The following HYKK variants were observed in gnomAD, a reference collection of about 807,000 sequenced individuals.
The protein encoded by HYKK is hydroxylysine kinase.
In HYKK, 19 loss-of-function variants were observed where a neutral mutation model predicts 29.7. That is an observed-to-expected ratio of 0.64 (90% CI 0.45 to 0.94). The LOEUF is 0.94. Among genes scored for constraint, HYKK ranks in the 40% least tolerant of loss-of-function variants. The pLI, the probability that HYKK is intolerant of heterozygous loss-of-function variation, is 0.00. For synonymous variants in HYKK, 152 were observed against 158.1 expected (o/e 0.96, Z 0.29); for missense variants, 390 against 443.4 (o/e 0.88, Z 1.08).
intron 4 of HYKK, among the ~76,000 whole-genome samples, chr15:78,531,061 C>T (rs990242445): frequency 6.6e-6 from 1 of 152,000 alleles, no homozygotes; most frequent in African/African-American, 2.4e-5. Context: ...TGGAGTTTTG[C>T]CATGTTGGTC....
chr15:78,536,386 C>T lies in HYKK; in HGVS notation c.*2716C>T, dbSNP rs1339081705. The T allele has an allele frequency of 1.3e-5, 2 of 151,972 alleles. No homozygotes were observed. Among genetic ancestry groups the T allele is most frequent in the African/African-American group, 4.8e-5 (2 of 41,348 alleles). 9.4% of individuals were successfully genotyped at this position (151,972 alleles called of 1,614,324 possible). On this transcript the variant is annotated 3_prime_UTR_variant, in exon 5 of 5. Coordinates refer to ENST00000388988, the MANE Select transcript of HYKK (RefSeq NM_001013619.4). Reference sequence around the variant, plus strand: ...ACAAATGAGATCATTCACATGAAAGCACTTATGTTTCTGAAATTTAAGGGA... The same window carrying T: ...ACAAATGAGATCATTCACATGAAAGTACTTATGTTTCTGAAATTTAAGGGA...
intron 1 of HYKK, among the ~76,000 whole-genome samples, chr15:78,512,400 C>CTTTTTTTTTTTTTTTTTTTTTTTT (rs902963099): frequency 7.2e-5 from 9 of 125,670 alleles, no homozygotes; most frequent in African/African-American, 8.9e-5. Flanking sequence ...TTTTCTTTTT[C>CTTTTTTTTTTTTTTTTTTTTTTTT]TTTTTTTTTT....
At chr15:78,511,387 A>T (rs1217636033) in intron 1 of HYKK, among the ~76,000 whole-genome samples, 1 of 152,118 alleles carries the variant, frequency 6.6e-6, no homozygotes, top group Non-Finnish European at 1.5e-5. Flanking sequence ...ACCAAGAGAA[A>T]GAAAACAGTC....
chr15:78,513,188 G>A lies in HYKK; in HGVS notation c.100G>A (p.Val34Ile). 6.2e-7 allele frequency: 1 copy of A among 1,614,172 alleles called. No homozygotes were observed. The highest frequency in any genetic ancestry group is 8.5e-7 in the Non-Finnish European group (1 of 1,180,018). The change falls in exon 2 of 5, where the codon GTT becomes ATT. Residue 34 changes from valine to isoleucine, a missense_variant. Physicochemically the swap from Val to Ile is conservative, Grantham distance 29. Transcript: ENST00000388988. The part of the protein sequence containing the change: ...ALVESVFGLK[V>I]SKVRPLPSYD... ...AGTGGAGTCAGTGTTTGGGTTGAAA[G>A]TTTCCAAGGTCCGGCCACTTCCTAG...
intron 3 of HYKK, among the ~76,000 whole-genome samples, chr15:78,516,621 A>C (rs1324042243): frequency 2.0e-5 from 3 of 152,004 alleles, no homozygotes; most frequent in Non-Finnish European, 4.4e-5. Context: ...AAGTGCTGGG[A>C]TGACAGGCAT....
intron 2 of HYKK, 39 bp from the exon 3 acceptor site, chr15:78,514,929 A>ATAT: frequency 1.5e-6 from 1 of 683,632 alleles, no homozygotes; most frequent in Non-Finnish European, 2.0e-6. Context: ...TATATATATA[A>ATAT]ATAATTTAGT....
rs2052360804 is a variant in HYKK, at chr15:78,536,185, T to G, written c.*2515T>G. 1 of 152,110 alleles carries G rather than the reference T, an allele frequency of 6.6e-6. No individual in the cohort carries two copies. The highest frequency in any genetic ancestry group is 2.4e-5 in the African/African-American group (1 of 41,382). The allele number at this position is 152,110 out of a possible 1,614,324, so 9.4% of individuals were successfully genotyped here. The stretch of plus-strand genomic sequence containing the variant: ...TAGCAGCTGAAAAAGTAAAAATAAT[T>G]TCCTCAAAGACAGCCAGGGCTTAAA... On this transcript the variant is annotated 3_prime_UTR_variant, in exon 5 of 5. Transcript: ENST00000388988.
At chr15:78,523,952 C>A (rs1374122854) in intron 3 of HYKK, among the ~76,000 whole-genome samples, 1 of 152,242 alleles carries the variant, frequency 6.6e-6, no homozygotes, top group East Asian at 1.9e-4. Context: ...AGGTTCAGCC[C>A]CTGTGGCTGC....
chr15:78,527,720 T>G, intron 4 of HYKK, 157 bp downstream of exon 4: 1 of 1,393,306 alleles, frequency 7.2e-7, no homozygotes, highest in Non-Finnish European at 9.3e-7. Flanking sequence ...TTTACTTTCC[T>G]CAAAATTGCT....
intron 4 of HYKK, among the ~76,000 whole-genome samples, chr15:78,531,106 G>A (rs925394813): frequency 7.2e-5 from 11 of 152,042 alleles, no homozygotes; most frequent in Admixed American, 3.3e-4. Flanking sequence ...CAAGTGATCC[G>A]CCCACCTAAG....
intron 3 of HYKK, among the ~76,000 whole-genome samples, chr15:78,523,235 C>T (rs528653876): frequency 6.6e-6 from 1 of 152,274 alleles, no homozygotes; most frequent in East Asian, 1.9e-4. Context: ...CTGAGGAGGC[C>T]TCAGGAAGCT....
At chr15:78,527,314 A>T in intron 3 of HYKK, 66 bp from the exon 4 acceptor site, 1 of 1,272,830 alleles carries the variant, frequency 7.9e-7, no homozygotes, top group Non-Finnish European at 1.1e-6. Flanking sequence ...AATGTGCAGC[A>T]CCTCCCACCT....
At chr15:78,521,829 C>A (rs2052199992) in intron 3 of HYKK, among the ~76,000 whole-genome samples, 1 of 152,128 alleles carries the variant, frequency 6.6e-6, no homozygotes, top group Admixed American at 6.6e-5. Flanking sequence ...CCCCAGGATT[C>A]TTCCCAGTAC....
rs142991927 is a variant in HYKK at position 78,523,133 on chromosome 15, G to T, written c.478-4247G>T. Among the ~76,000 whole-genome samples, 672 of 152,286 alleles carry T rather than the reference G, an allele frequency of 4.4e-3. 5 individuals are homozygous for T. Among genetic ancestry groups the T allele is most frequent in the African/African-American group, 0.015 (631 of 41,552 alleles). On this transcript the variant is annotated intron_variant, in intron 3 of 4. Coordinates refer to ENST00000388988, the MANE Select transcript of HYKK (RefSeq NM_001013619.4). Reference sequence around the variant, plus strand: ...TAGTCCATTCTCAAATTGCTATAAAGAAATACCTGAGACTGGGTAATCTAT... The same window carrying T: ...TAGTCCATTCTCAAATTGCTATAAATAAATACCTGAGACTGGGTAATCTAT...
chr15:78,527,154 C>T (rs1567022461), intron 3 of HYKK, among the ~76,000 whole-genome samples: 1 of 151,724 alleles, frequency 6.6e-6, no homozygotes, highest in Non-Finnish European at 1.5e-5. Flanking sequence ...AGCATGGTGA[C>T]ATATGCCTGT....
chr15:78,510,468 G>A lies in HYKK; in HGVS notation c.-5-2616G>A, dbSNP rs573831534. Among the ~76,000 whole-genome samples, 4 of 152,132 alleles carry A rather than the reference G, an allele frequency of 2.6e-5. No individual in the cohort carries two copies. In the East Asian group the frequency reaches 7.7e-4, roughly 29 times the overall value. On this transcript the variant is annotated intron_variant, in intron 1 of 4. Coordinates refer to ENST00000388988, the MANE Select transcript of HYKK (RefSeq NM_001013619.4). ...CCCACCTCAGCCTCCCAAAGTGGTG[G>A]GATTACAGGCGTGAACCACTGTCTT...
chr15:78,533,502 C>G lies in HYKK; in HGVS notation c.954C>G (p.Val318=). ...GCAGTCGTTTTTGTCAGTCACTTGT[C>G]ATGGCTGCATACTCTTGCCAGCTAT... is the stretch of plus-strand genomic sequence containing the variant. The part of the protein sequence containing the change: ...LVCSRFCQSL[V]MAAYSCQLYP... Residue 318 remains valine (V), a synonymous_variant, in exon 5 of 5, where the codon GTC becomes GTG. Coordinates refer to ENST00000388988, the MANE Select transcript of HYKK (RefSeq NM_001013619.4). 3 of 1,611,628 alleles carry G rather than the reference C, an allele frequency of 1.9e-6. No homozygotes were observed. The highest frequency in any genetic ancestry group is 2.5e-6 in the Non-Finnish European group (3 of 1,179,024).
intron 3 of HYKK, among the ~76,000 whole-genome samples, chr15:78,520,861 C>CA (rs1413507665): frequency 1.4e-5 from 2 of 147,958 alleles, no homozygotes; most frequent in Non-Finnish European, 3.0e-5. Context: ...GCTGGCCGGG[C>CA]GGGGGGCTGA....
chr15:78,516,822 AC>A lies in HYKK; in HGVS notation c.477+1717del, dbSNP rs2052138286. 2.0e-5 allele frequency among the ~76,000 whole-genome samples: 3 copies of A among 151,476 alleles called. No individual in the cohort carries two copies. The South Asian group carries it at 6.4e-4, about 32-fold the overall frequency. On this transcript the variant is annotated intron_variant, in intron 3 of 4. Transcript: ENST00000388988. ...ATCACTCTAAGGCCAGGAGTTTGGG[AC>A]CAGCCTAGGCAACATGGTGAAACCC...
Sources: allele counts gnomAD v4.1 joint callset (sites outside exome capture counted in the v4.1 genomes callset), GRCh38; gene constraint gnomAD v4.1.1; transcripts MANE v1.5; gene names NCBI Gene and HGNC (gene_info 2026-07-23, HGNC 2026-07-21).